Variants in CLGN observed in about 807,000 individuals in gnomAD.
CLGN encodes testis tissue sperm-binding protein Li 79P.
In CLGN, 62 loss-of-function variants were observed where a neutral mutation model predicts 79.1. The observed-to-expected ratio is 0.78, with a 90% confidence interval of 0.64 to 0.97. The LOEUF is 0.97. Ranked by LOEUF, CLGN falls within the 50% of genes least tolerant of loss-of-function variation. CLGN has a pLI of 0.00. For missense variants in CLGN, 647 were observed against 715.5 expected (o/e 0.90, Z 1.09); for synonymous variants, 225 against 224.7 (o/e 1.00, Z -0.01).
chr4:140,399,086 G>C, intron 7 of CLGN, 46 bp from the exon 8 acceptor site: 1 of 1,465,172 alleles, frequency 6.8e-7, no homozygotes, highest in Non-Finnish European at 9.3e-7. Context: ...TTTGATATAC[G>C]CTTTAAAGAT....
At position 140,427,122 on chromosome 4, in the gene CLGN, C is replaced by G. The variant is rs547227109; in HGVS notation, c.-10+415G>C. ...ACAACCATTGGGAGAGCGCCCCGGG[C>G]TCAAGCGTGGAACGGGGCTGCAATG... is the stretch of plus-strand genomic sequence containing the variant. On this transcript the variant is annotated intron_variant, in intron 1 of 14. Transcript: ENST00000325617. 3.5e-3 allele frequency among the ~76,000 whole-genome samples: 520 copies of G among 146,520 alleles called. 2 individuals carry two copies. Among genetic ancestry groups the G allele is most frequent in the African/African-American group, 0.012 (482 of 40,004 alleles).
At chr4:140,389,476 G>A (rs1024916277) in intron 14 of CLGN, among the ~76,000 whole-genome samples, 172 bp from the exon 15 acceptor site, 7 of 151,712 alleles carry the variant, frequency 4.6e-5, no homozygotes, top group African/African-American at 1.2e-4. Flanking sequence ...TACAAAAATC[G>A]ATGTATTCCA....
chr4:140,391,047 T>C (rs913805378), intron 13 of CLGN, among the ~76,000 whole-genome samples: 1 of 151,796 alleles, frequency 6.6e-6, no homozygotes, highest in African/African-American at 2.4e-5. Context: ...TTTGGTGATC[T>C]TTTAATCTTC....
chr4:140,418,255 G>T (rs1300399187), intron 1 of CLGN, among the ~76,000 whole-genome samples: 1 of 151,454 alleles, frequency 6.6e-6, no homozygotes, highest in African/African-American at 2.4e-5. Flanking sequence ...AACCCTAGAA[G>T]AAAACCTAGG....
rs1490565026 is a variant in CLGN at position 140,396,744 on chromosome 4, G to A, written c.885-539C>T. Among the ~76,000 whole-genome samples, 3 of 151,018 alleles carry A rather than the reference G, an allele frequency of 2.0e-5. No individual in the cohort carries two copies. In the South Asian group the frequency reaches 6.3e-4, roughly 32 times the overall value. On this transcript the variant is annotated intron_variant, in intron 8 of 14. Coordinates refer to ENST00000325617, the MANE Select transcript of CLGN (RefSeq NM_004362.3). ...GCTAAGTTTTTGTATTTTTAGTAGA[G>A]ATGGGGTTTCACTATGTTGGCCAGG...
intron 8 of CLGN, among the ~76,000 whole-genome samples, chr4:140,398,578 A>G (rs1728938032): frequency 1.3e-5 from 2 of 152,086 alleles, no homozygotes; most frequent in African/African-American, 4.8e-5. Flanking sequence ...AAGCACTGGT[A>G]TTTTGGATTT....
intron 1 of CLGN, among the ~76,000 whole-genome samples, chr4:140,423,009 A>G (rs1468918619): frequency 1.3e-5 from 2 of 152,102 alleles, no homozygotes; most frequent in East Asian, 1.9e-4. Flanking sequence ...CTGCTGAGAT[A>G]ATTTTACTTC....
intron 1 of CLGN, among the ~76,000 whole-genome samples, chr4:140,424,369 A>C (rs181301339): frequency 6.6e-6 from 1 of 152,218 alleles, no homozygotes. Flanking sequence ...TGTTCAGAAA[A>C]CTTACTTTGT....
chr4:140,416,990 A>T (rs932453878), intron 1 of CLGN, among the ~76,000 whole-genome samples: 1 of 152,170 alleles, frequency 6.6e-6, no homozygotes, highest in African/African-American at 2.4e-5. Context: ...CACATCAAAA[A>T]GCTTATCCAC....
intron 1 of CLGN, among the ~76,000 whole-genome samples, chr4:140,420,270 T>C (rs1388446687): frequency 2.6e-5 from 4 of 152,218 alleles, no homozygotes; most frequent in Admixed American, 6.5e-5. Flanking sequence ...ATTTGTATTC[T>C]ATATTATAGT....
At chr4:140,403,284 T>C (rs1729031751) in intron 5 of CLGN, among the ~76,000 whole-genome samples, 1 of 152,212 alleles carries the variant, frequency 6.6e-6, no homozygotes, top group Non-Finnish European at 1.5e-5. Context: ...ATCTATAATA[T>C]GCAGACATGG....
intron 1 of CLGN, among the ~76,000 whole-genome samples, chr4:140,417,785 T>A (rs1397555261): frequency 1.3e-5 from 2 of 149,586 alleles, no homozygotes; most frequent in Non-Finnish European, 3.0e-5. Context: ...CCCAAGGTAA[T>A]TTACAGATTC....
intron 5 of CLGN, among the ~76,000 whole-genome samples, chr4:140,402,909 T>C (rs913909298): frequency 6.6e-6 from 1 of 152,092 alleles, no homozygotes; most frequent in Non-Finnish European, 1.5e-5. Context: ...ACATGAAAAC[T>C]AGAGAAATAA....
chr4:140,407,810 T>C (rs1301596457), intron 4 of CLGN, among the ~76,000 whole-genome samples: 5 of 151,936 alleles, frequency 3.3e-5, no homozygotes, highest in Non-Finnish European at 5.9e-5. Context: ...CCAAAAACAT[T>C]TTTCACAGAA....
intron 2 of CLGN, among the ~76,000 whole-genome samples, chr4:140,412,508 C>T (rs182920518): frequency 2.0e-5 from 3 of 152,248 alleles, no homozygotes; most frequent in Admixed American, 6.5e-5. Context: ...CCCTCACTTC[C>T]TTTTCTAATT....
Position 140,395,167 on chromosome 4 carries a change from G to GTTTTTTTTT in CLGN, c.1149+651_1149+652insAAAAAAAAA, listed in dbSNP as rs34598960. Among the ~76,000 whole-genome samples the GTTTTTTTTT allele has an allele frequency of 3.3e-5, 5 of 150,390 alleles. No individual in the cohort carries two copies. The East Asian group carries it at 9.8e-4, about 29-fold the overall frequency. Reference sequence around the variant, plus strand: ...AGGTTTTTTGTTTTTTTGTTTTTTTGTTTTGAGTCTTGCTGTGTCGCCAGG... The same window carrying GTTTTTTTTT: ...AGGTTTTTTGTTTTTTTGTTTTTTTGTTTTTTTTTTTTTGAGTCTTGCTGTGTCGCCAGG... On this transcript the variant is annotated intron_variant, in intron 10 of 14. Coordinates refer to ENST00000325617, the MANE Select transcript of CLGN (RefSeq NM_004362.3).
intron 10 of CLGN, among the ~76,000 whole-genome samples, chr4:140,394,975 C>T (rs1240960649): frequency 4.6e-5 from 7 of 151,826 alleles, no homozygotes; most frequent in Non-Finnish European, 8.8e-5. Flanking sequence ...GTCAGGAGTT[C>T]GAGACCAGCC....
chr4:140,427,632 G>C lies in CLGN; in HGVS notation c.-105C>G, dbSNP rs370662410. The C allele has an allele frequency of 1.2e-3, 180 of 152,708 alleles. No individual in the cohort carries two copies. In the East Asian group the frequency reaches 0.022, roughly 19 times the overall value. 9.5% of individuals were successfully genotyped at this position (152,708 alleles called of 1,614,324 possible). ...CTTCAGACCAGTCCCGCCGGCGGCC[G>C]CGCAGCAGCGACTACTAACCGCGCG... is the stretch of plus-strand genomic sequence containing the variant. On this transcript the variant is annotated 5_prime_UTR_variant, in exon 1 of 15. Coordinates refer to ENST00000325617, the MANE Select transcript of CLGN (RefSeq NM_004362.3).
chr4:140,404,022 C>T (rs1371497034), intron 5 of CLGN, among the ~76,000 whole-genome samples: 1 of 152,164 alleles, frequency 6.6e-6, no homozygotes, highest in African/African-American at 2.4e-5. Flanking sequence ...AACAGGTTTT[C>T]ATATGTAGAA....
Sources: allele counts gnomAD v4.1 joint callset (sites outside exome capture counted in the v4.1 genomes callset), GRCh38; gene constraint gnomAD v4.1.1; transcripts MANE v1.5; gene names NCBI Gene and HGNC (gene_info 2026-07-23, HGNC 2026-07-21).